The following NGRN variants were observed in gnomAD, a reference collection of about 807,000 sequenced individuals.
NGRN encodes the protein neugrin, neurite outgrowth associated.
Under a neutral mutation model 13.1 loss-of-function variants are expected in NGRN, and 12 were observed. The observed-to-expected ratio is 0.92, with a 90% CI of 0.59 to 1.49. The LOEUF (loss-of-function observed/expected upper bound fraction) is 1.49. NGRN is among the 40% of genes most tolerant of loss of function. The pLI is 0.00. For synonymous variants in NGRN, 149 were observed against 145.8 expected (o/e 1.02, Z -0.16); for missense variants, 397 against 357.0 (o/e 1.11, Z -0.90).
intron 2 of NGRN, among the ~76,000 whole-genome samples, chr15:90,267,431 T>C (rs1383824553): frequency 2.6e-5 from 4 of 152,200 alleles, no homozygotes; most frequent in African/African-American, 7.2e-5. Flanking sequence ...GATGGTGTTA[T>C]TATATTTTTT....
intron 2 of NGRN, among the ~76,000 whole-genome samples, chr15:90,269,162 A>ATTTTTTTTTTTTTTTTTT (rs34266380): frequency 2.2e-5 from 2 of 89,620 alleles, no homozygotes; most frequent in Non-Finnish European, 2.0e-5. Flanking sequence ...TACCTGGCTA[A>ATTTTTTTTTTTTTTTTTT]TTTTTTTTTT....
At chr15:90,270,113 C>A (rs557462919) in intron 2 of NGRN, among the ~76,000 whole-genome samples, 1 of 152,050 alleles carries the variant, frequency 6.6e-6, no homozygotes, top group South Asian at 2.1e-4. Flanking sequence ...CCAGGCTGGT[C>A]TCGAACTCCT....
chr15:90,269,485 T>C (rs1356401226), intron 2 of NGRN, among the ~76,000 whole-genome samples: 1 of 152,136 alleles, frequency 6.6e-6, no homozygotes, highest in African/African-American at 2.4e-5. Context: ...TTTTTCTTTG[T>C]TTCTAGGGCT....
Position 90,271,780 on chromosome 15 carries a change from A to G in NGRN, c.868A>G (p.Arg290Gly), listed in dbSNP as rs145597024. ...FFDSNGNFLY[R>G]I ...TGACAGCAACGGGAACTTCCTGTAC[A>G]GAATTTGAGTCGGGGCTTGGCTTAT... Residue 290 changes from arginine (R) to glycine (G), a missense_variant, in exon 3 of 3, where the codon AGA becomes GGA. Transcript: ENST00000379095. The G allele has an allele frequency of 4.5e-5, 73 of 1,613,560 alleles. No individual in the cohort carries two copies. Among genetic ancestry groups the G allele is most frequent in the Non-Finnish European group, 6.2e-5 (73 of 1,179,614 alleles).
chr15:90,267,508 A>G (rs150541865), intron 2 of NGRN, among the ~76,000 whole-genome samples: 233 of 151,948 alleles, frequency 1.5e-3, no homozygotes, highest in Non-Finnish European at 2.7e-3. Flanking sequence ...TTTTTCTCCT[A>G]TTTATTTATT....
chr15:90,266,174 T>C, intron 1 of NGRN, 114 bp from the exon 2 acceptor site: 3 of 1,480,958 alleles, frequency 2.0e-6, no homozygotes, highest in Non-Finnish European at 2.7e-6. Context: ...CATGGCCCGG[T>C]TGCCCTTGCG....
At chr15:90,269,934 T>C (rs1277967748) in intron 2 of NGRN, among the ~76,000 whole-genome samples, 2 of 152,270 alleles carry the variant, frequency 1.3e-5, no homozygotes, top group Non-Finnish European at 2.9e-5. Flanking sequence ...AAAATATTTC[T>C]CAACTCACTT....
rs781124535 is a variant in NGRN, at chr15:90,265,757, C to T, written c.45C>T (p.Ala15=). The change falls in exon 1 of 3, where the codon GCC becomes GCT. Residue 15 remains alanine, a synonymous_variant. Transcript: ENST00000379095. ...LSLLLGGRVC[A]AVTRCGFATR... ...TCTTGCTGGGCGGGCGCGTTTGCGC[C>T]GCCGTCACTCGCTGTGGGTTCGCGA... is the stretch of plus-strand genomic sequence containing the variant. 127 of 1,613,064 alleles carry T rather than the reference C, an allele frequency of 7.9e-5. 1 individual carries two copies. The Middle Eastern group carries it at 1.2e-3, about 15-fold the overall frequency.
At chr15:90,269,890 C>G (rs907423276) in intron 2 of NGRN, among the ~76,000 whole-genome samples, 1 of 152,190 alleles carries the variant, frequency 6.6e-6, no homozygotes, top group Non-Finnish European at 1.5e-5. Context: ...AATATTTAGT[C>G]CCTTAGTACC....
chr15:90,266,183 C>T (rs1963416004), intron 1 of NGRN, 105 bp from the exon 2 acceptor site: 1 of 1,485,832 alleles, frequency 6.7e-7, no homozygotes, highest in Non-Finnish European at 8.9e-7. Context: ...GTTGCCCTTG[C>T]GATCAAAGAG....
chr15:90,268,992 CTTTTTTTTT>C (rs71461858), intron 2 of NGRN, among the ~76,000 whole-genome samples: 1 of 45,690 alleles, frequency 2.2e-5, no homozygotes, highest in African/African-American at 8.6e-5. Context: ...CTGATTCTCT[CTTTTTTTTT>C]TTTTTTTTTT....
chr15:90,270,662 A>C (rs1963489533), intron 2 of NGRN, among the ~76,000 whole-genome samples: 1 of 152,164 alleles, frequency 6.6e-6, no homozygotes, highest in South Asian at 2.1e-4. Context: ...ATTAGATGTC[A>C]GTGAGAGGAG....
In NGRN at chr15:90,265,830, G is replaced by T. The variant is rs779965708; in HGVS notation, c.118G>T (p.Asp40Tyr). The change falls in exon 1 of 3, where the codon GAT becomes TAT. Residue 40 changes from aspartate (D) to tyrosine (Y), a missense_variant. Physicochemically the swap from Asp to Tyr is radical, Grantham distance 160. Coordinates refer to ENST00000379095, the MANE Select transcript of NGRN (RefSeq NM_001033088.3). ...CCCTATTGGCCGGGAGCCGGACCCC[G>T]ATTCCGACTGGGAGCCGGAGGAACG... The part of the protein sequence containing the change: ...PGPIGREPDP[D>Y]SDWEPEEREL... The T allele has an allele frequency of 1.7e-5, 28 of 1,608,872 alleles. No individual in the cohort carries two copies. The highest frequency in any genetic ancestry group is 2.0e-5 in the Non-Finnish European group (23 of 1,177,742).
rs368658728 is a variant in NGRN, at chr15:90,266,403, G to C, written c.275+5G>C. The C allele has an allele frequency of 6.2e-7, 1 of 1,608,394 alleles. No homozygotes were observed. The highest frequency in any genetic ancestry group is 2.2e-5 in the East Asian group (1 of 44,772). ...GGAAGCCATGGAGCAGATACGGTGA[G>C]ACTCAGGATACCTTGTTTGTATCCG... On this transcript the variant is annotated splice_donor_5th_base_variant and intron_variant, in intron 2 of 2. Coordinates refer to ENST00000379095, the MANE Select transcript of NGRN (RefSeq NM_001033088.3).
At position 90,272,000 on chromosome 15, in the gene NGRN, CTCT is replaced by C. The variant is rs1192682385; in HGVS notation, c.*217_*219del. 1.0e-5 allele frequency: 6 copies of C among 585,288 alleles called. No individual in the cohort carries two copies. The African/African-American group carries it at 1.1e-4, about 11-fold the overall frequency. The allele number at this position is 585,288 out of a possible 1,614,324, so 36.3% of individuals were successfully genotyped here. A position where few individuals can be genotyped will look rare whatever the true frequency, so the allele number is the denominator to read the frequency against. On this transcript the variant is annotated 3_prime_UTR_variant, in exon 3 of 3. Transcript: ENST00000379095. ...GACCTCTGTAGACCTTCAGTACTCA[CTCT>C]TCTTGCTTAGGCTCTCTGTGTGTTG...
In NGRN at chr15:90,265,768, G is replaced by A. The variant is rs762674066; in HGVS notation, c.56G>A (p.Arg19His). Residue 19 changes from arginine (R) to histidine (H), a missense_variant, in exon 1 of 3, where the codon CGC (arginine) becomes CAC (histidine). Physicochemically the swap from Arg to His is conservative, Grantham distance 29. Coordinates refer to ENST00000379095, the MANE Select transcript of NGRN (RefSeq NM_001033088.3). ...LGGRVCAAVT[R>H]CGFATRGVAG... ...GGGCGCGTTTGCGCCGCCGTCACTCGCTGTGGGTTCGCGACCCGGGGGGTG... is the reference window on the plus strand; with the variant it reads ...GGGCGCGTTTGCGCCGCCGTCACTCACTGTGGGTTCGCGACCCGGGGGGTG... 3 of 1,613,102 alleles carry A rather than the reference G, an allele frequency of 1.9e-6. No individual in the cohort carries two copies. Among genetic ancestry groups the A allele is most frequent in the Non-Finnish European group, 2.5e-6 (3 of 1,179,854 alleles).
At chr15:90,268,236 C>T (rs1364560987) in intron 2 of NGRN, among the ~76,000 whole-genome samples, 1 of 152,086 alleles carries the variant, frequency 6.6e-6, no homozygotes, top group Non-Finnish European at 1.5e-5. Context: ...CCCCTGACCT[C>T]AGGTGATCCA....
At chr15:90,265,956 G>C in intron 1 of NGRN, 80 bp downstream of exon 1, 1 of 1,428,454 alleles carries the variant, frequency 7.0e-7, no homozygotes, top group South Asian at 1.5e-5. Context: ...CTTGGCGCCG[G>C]GTGTCCTGCC....
Position 90,265,874 on chromosome 15 carries a change from G to A in NGRN, c.162G>A (p.Glu54=), listed in dbSNP as rs968544159. The change falls in exon 1 of 3, where the codon GAG becomes GAA. Residue 54 remains glutamate (E), a splice_region_variant and synonymous_variant. Transcript: ENST00000379095. ...AGGAACGGGAGCTGCAGGAGGTGGA[G>A]AGGTACCGGCTTCTCCCCGGGCCCT... ...EPEERELQEV[E]STLKRQKQAI... is the part of the protein sequence containing the mutation. 6.3e-7 allele frequency: 1 copy of A among 1,586,194 alleles called. No homozygotes were observed. The highest frequency in any genetic ancestry group is 1.8e-5 in the Admixed American group (1 of 55,662).
Sources: allele counts gnomAD v4.1 joint callset (sites outside exome capture counted in the v4.1 genomes callset), GRCh38; gene constraint gnomAD v4.1.1; transcripts MANE v1.5; gene names NCBI Gene and HGNC (gene_info 2026-07-23, HGNC 2026-07-21).